EYA3: variants seen among roughly 807,000 people sequenced by gnomAD.
EYA3 encodes protein phosphatase EYA3.
A neutral mutation model predicts 80.0 loss-of-function variants in EYA3; 39 were observed. That is an observed-to-expected ratio of 0.49 (90% CI 0.38 to 0.64). The LOEUF is 0.64. Among genes scored for constraint, EYA3 ranks in the 30% least tolerant of loss-of-function variants. The pLI is 0.00. For synonymous variants in EYA3, 206 were observed against 232.8 expected (o/e 0.88, Z 1.05); for missense variants, 523 against 676.1 (o/e 0.77, Z 2.51).
At chr1:28,004,163 G>C (rs1641099330) in intron 11 of EYA3, among the ~76,000 whole-genome samples, 173 bp downstream of exon 11, 3 of 152,194 alleles carry the variant, frequency 2.0e-5, no homozygotes, top group Admixed American at 6.6e-5. Flanking sequence ...AATTCTGCCT[G>C]ACCATGTAGC....
chr1:28,073,127 A>ATATATATATATATATATATTTT (rs1553157671), intron 1 of EYA3, among the ~76,000 whole-genome samples: 4 of 14,998 alleles, frequency 2.7e-4, no homozygotes, highest in South Asian at 4.0e-3. Context: ...ATATATATAT[A>ATATATATATATATATATATTTT]TTTTTTTTTT....
At chr1:28,012,597 T>C (rs1237260740) in intron 9 of EYA3, among the ~76,000 whole-genome samples, 1 of 152,230 alleles carries the variant, frequency 6.6e-6, no homozygotes, top group Non-Finnish European at 1.5e-5. Context: ...GTCAAAGGTT[T>C]TTAAGTTGGA....
intron 6 of EYA3, among the ~76,000 whole-genome samples, chr1:28,029,622 C>G (rs920393869): frequency 7.5e-6 from 1 of 133,652 alleles, no homozygotes; most frequent in Non-Finnish European, 1.6e-5. Context: ...GATGGAGTTT[C>G]GCTCTTGTTG....
chr1:28,061,999 A>C (rs939327103), intron 1 of EYA3, among the ~76,000 whole-genome samples: 17 of 152,204 alleles, frequency 1.1e-4, no homozygotes, highest in African/African-American at 3.6e-4. Context: ...AAGTAATACA[A>C]CAGTTGTAAC....
In EYA3 at chr1:28,013,401, C is replaced by T; in HGVS notation, c.586-107G>A. The T allele has an allele frequency of 9.7e-7, 1 of 1,029,058 alleles. No individual in the cohort carries two copies. Among genetic ancestry groups the T allele is most frequent in the Non-Finnish European group, 1.4e-6 (1 of 738,006 alleles). The allele number at this position is 1,029,058 out of a possible 1,614,324, so 63.7% of individuals were successfully genotyped here. Reference sequence around the variant, plus strand: ...CTTATTCATAATTATTTTTCTAAAACATTAATTTGACTTCTCATTTACCTA... The same window carrying T: ...CTTATTCATAATTATTTTTCTAAAATATTAATTTGACTTCTCATTTACCTA... On this transcript the variant is annotated intron_variant, in intron 8 of 17. Transcript: ENST00000373871. This position sits in a 1 kb window ranked among gnomAD's most constrained non-coding sequence, Gnocchi z 4.0.
intron 1 of EYA3, among the ~76,000 whole-genome samples, chr1:28,082,813 T>G (rs985276569): frequency 2.0e-5 from 3 of 152,226 alleles, no homozygotes; most frequent in African/African-American, 4.8e-5. Flanking sequence ...AAATAGTGAC[T>G]TATCTCCAAG....
In EYA3 at chr1:28,017,738, AT is replaced by A. The variant is rs2148805777; in HGVS notation, c.500-500del. On this transcript the variant is annotated intron_variant, in intron 7 of 17. Transcript: ENST00000373871. ...TCCTCCAAATTCCAAAGCATTTAGA[AT>A]TGCTTCTTGAGTTCTACTCAAATAA... Among the ~76,000 whole-genome samples the A allele has an allele frequency of 2.0e-5, 3 of 152,356 alleles. No homozygotes were observed. In the South Asian group the frequency reaches 6.2e-4, roughly 32 times the overall value.
intron 1 of EYA3, among the ~76,000 whole-genome samples, chr1:28,087,969 G>A (rs1419589074): frequency 6.6e-6 from 1 of 152,216 alleles, no homozygotes; most frequent in African/African-American, 2.4e-5. Flanking sequence ...CTTTGGCAAA[G>A]CTCTCCTCTA....
intron 5 of EYA3, among the ~76,000 whole-genome samples, chr1:28,037,014 T>C (rs1643496274): frequency 6.6e-6 from 1 of 152,116 alleles, no homozygotes; most frequent in South Asian, 2.1e-4. Context: ...GGCTTCGGCC[T>C]GCAAAGAGCA....
intron 5 of EYA3, among the ~76,000 whole-genome samples, chr1:28,036,850 A>G (rs529040793): frequency 2.0e-5 from 3 of 150,838 alleles, no homozygotes; most frequent in African/African-American, 7.3e-5. Context: ...TAAAGGGGAA[A>G]TTTTTTTTTT....
At chr1:27,985,391 T>A (rs112345114) in intron 16 of EYA3, among the ~76,000 whole-genome samples, 6,061 of 152,140 alleles carry the variant, frequency 0.04, 138 homozygotes, top group Middle Eastern at 0.054. Flanking sequence ...TGGGTCTCAT[T>A]TGACCCATCA....
intron 13 of EYA3, among the ~76,000 whole-genome samples, chr1:27,996,488 G>A (rs1640468697): frequency 6.6e-6 from 1 of 152,174 alleles, no homozygotes; most frequent in South Asian, 2.1e-4. Flanking sequence ...ACAGTAAAGT[G>A]TCATAAGAAT....
At chr1:28,019,133 T>G (rs980944883) in intron 7 of EYA3, among the ~76,000 whole-genome samples, 1 of 152,076 alleles carries the variant, frequency 6.6e-6, no homozygotes, top group Admixed American at 6.6e-5. Flanking sequence ...GCCACTGCAC[T>G]CCAGCCTGGG....
intron 14 of EYA3, among the ~76,000 whole-genome samples, chr1:27,992,151 G>C (rs1414711221): frequency 6.6e-6 from 1 of 152,210 alleles, no homozygotes; most frequent in East Asian, 1.9e-4. Context: ...ATATTGTAAG[G>C]CAGCATAGTA....
rs1291667921 is a variant in EYA3, at chr1:28,020,672, G to GTGTA, written c.500-3434_500-3433insTACA. Among the ~76,000 whole-genome samples the GTGTA allele has an allele frequency of 1.4e-3, 77 of 54,892 alleles. 1 individual carries two copies. The highest frequency in any genetic ancestry group is 5.0e-3 in the African/African-American group (68 of 13,512). 36.0% of individuals were successfully genotyped at this position (54,892 alleles called of 152,430 possible). A position where few individuals can be genotyped will look rare whatever the true frequency, so the allele number is the denominator to read the frequency against. ...TTTAAAAAAATACAGATCATCGTGTGTGTGTGTGTGTGTGTGTGTGTGTGT... is the reference window on the plus strand; with the variant it reads ...TTTAAAAAAATACAGATCATCGTGTGTGTATGTGTGTGTGTGTGTGTGTGTGTGT... On this transcript the variant is annotated intron_variant, in intron 7 of 17. Coordinates refer to ENST00000373871, the MANE Select transcript of EYA3 (RefSeq NM_001990.4).
intron 7 of EYA3, among the ~76,000 whole-genome samples, chr1:28,027,324 A>C (rs1357242275): frequency 2.0e-5 from 3 of 152,232 alleles, no homozygotes; most frequent in Admixed American, 6.5e-5. Flanking sequence ...AATAAGAATG[A>C]ACTTCTTGAG....
intron 6 of EYA3, among the ~76,000 whole-genome samples, chr1:28,030,856 C>T (rs1643100079): frequency 6.6e-6 from 1 of 152,146 alleles, no homozygotes; most frequent in Non-Finnish European, 1.5e-5. Flanking sequence ...AGTATCAGTG[C>T]TATGATTCCT....
intron 1 of EYA3, 59 bp downstream of exon 1, chr1:28,088,465 C>T (rs763345994): frequency 6.5e-6 from 1 of 153,148 alleles, no homozygotes; most frequent in African/African-American, 2.4e-5. Context: ...CTAGACCCAT[C>T]CCCCTTCACG....
At chr1:28,085,448 TG>T (rs796346692) in intron 1 of EYA3, among the ~76,000 whole-genome samples, 1 of 152,174 alleles carries the variant, frequency 6.6e-6, no homozygotes, top group African/African-American at 2.4e-5. Context: ...GGTTTTGTTT[TG>T]TTTTTTGTCT....
Sources: allele counts gnomAD v4.1 joint callset (sites outside exome capture counted in the v4.1 genomes callset), GRCh38; gene constraint gnomAD v4.1.1; non-coding constraint Gnocchi (gnomAD v3.1); transcripts MANE v1.5; gene names NCBI Gene and HGNC (gene_info 2026-07-23, HGNC 2026-07-21).